The following ANKIB1 variants were observed in gnomAD, a reference collection of about 807,000 sequenced individuals.
ANKIB1 encodes ankyrin repeat and IBR domain-containing protein 1.
In ANKIB1, 43 loss-of-function variants were observed where a neutral mutation model predicts 122.1. The ratio of observed to expected loss-of-function variants is 0.35; its 90% CI spans 0.28 to 0.45. The LOEUF (loss-of-function observed/expected upper bound fraction) is 0.45. Among genes scored for constraint, ANKIB1 ranks in the 20% least tolerant of loss-of-function variants. The pLI, the probability that ANKIB1 is intolerant of heterozygous loss-of-function variation, is 1.00. For missense variants in ANKIB1, 992 were observed against 1,329.5 expected (o/e 0.75, Z 3.95); for synonymous variants, 390 against 442.0 (o/e 0.88, Z 1.48).
At chr7:92,253,760 T>A (rs1322592215) in intron 1 of ANKIB1, among the ~76,000 whole-genome samples, 1 of 152,114 alleles carries the variant, frequency 6.6e-6, no homozygotes, top group Non-Finnish European at 1.5e-5. Context: ...GTGTGTACAT[T>A]CAGACACACA....
intron 16 of ANKIB1, among the ~76,000 whole-genome samples, chr7:92,391,886 A>G (rs947211012): frequency 2.0e-5 from 3 of 152,142 alleles, no homozygotes; most frequent in Admixed American, 2.0e-4. Context: ...CCTATTTATA[A>G]TAACTATAAG....
At chr7:92,267,813 T>C (rs971234248) in intron 1 of ANKIB1, among the ~76,000 whole-genome samples, 2 of 152,172 alleles carry the variant, frequency 1.3e-5, no homozygotes, top group African/African-American at 4.8e-5. Context: ...TGTTTGCATA[T>C]TGATAGGTGA....
intron 4 of ANKIB1, among the ~76,000 whole-genome samples, chr7:92,322,899 A>G (rs1028893301): frequency 1.3e-5 from 2 of 152,176 alleles, no homozygotes; most frequent in Non-Finnish European, 2.9e-5. Context: ...CTGACTTACT[A>G]TGTGACCTTG....
At position 92,294,883 on chromosome 7, in the gene ANKIB1, C is replaced by T. The variant is rs922007596; in HGVS notation, c.-90-6C>T. On this transcript the variant is annotated splice_polypyrimidine_tract_variant and splice_region_variant and intron_variant, in intron 1 of 19. Transcript: ENST00000265742. ...AATCTAATTTGAATAACTTTTCCTT[C>T]ATTAGAATGTGAAAGATGTTGCAGA... The T allele has an allele frequency of 1.2e-6, 1 of 814,860 alleles. No homozygotes were observed. Among genetic ancestry groups the T allele is most frequent in the Non-Finnish European group, 1.8e-6 (1 of 552,852 alleles). The allele number at this position is 814,860 out of a possible 1,614,324, so 50.5% of individuals were successfully genotyped here.
intron 1 of ANKIB1, among the ~76,000 whole-genome samples, chr7:92,275,279 A>G (rs1315600175): frequency 6.6e-6 from 1 of 152,138 alleles, no homozygotes; most frequent in African/African-American, 2.4e-5. Flanking sequence ...TCATTTTTAC[A>G]TGTATACTGG....
At position 92,246,283 on chromosome 7, in the gene ANKIB1, C is replaced by T. The variant is rs1474661086; in HGVS notation, c.-327C>T. ...GGCGCCCACCCAGTCTGAGCCTCGC[C>T]GCGGGCGCCTTCGGCTCACGCAGCG... On this transcript the variant is annotated 5_prime_UTR_variant, in exon 1 of 20. Coordinates refer to ENST00000265742, the MANE Select transcript of ANKIB1 (RefSeq NM_019004.2). The T allele has an allele frequency of 1.5e-5, 6 of 405,512 alleles. No individual in the cohort carries two copies. Among genetic ancestry groups the T allele is most frequent in the African/African-American group, 8.9e-5 (4 of 45,094 alleles). The allele number at this position is 405,512 out of a possible 1,614,324, so 25.1% of individuals were successfully genotyped here. A position where few individuals can be genotyped will look rare whatever the true frequency, so the allele number is the denominator to read the frequency against.
Position 92,398,196 on chromosome 7 carries a change from C to T in ANKIB1, c.2533-16C>T, listed in dbSNP as rs1562803068. ...TCAGTCAAATTTTAAAGTGGTTTTG[C>T]TTTCTGTTGCTTCAGGCTCTGAGTT... On this transcript the variant is annotated splice_polypyrimidine_tract_variant and intron_variant, in intron 19 of 19. Coordinates refer to ENST00000265742, the MANE Select transcript of ANKIB1 (RefSeq NM_019004.2). 1 of 1,549,906 alleles carries T rather than the reference C, an allele frequency of 6.5e-7. No individual in the cohort carries two copies. Among genetic ancestry groups the T allele is most frequent in the South Asian group, 1.3e-5 (1 of 79,584 alleles).
intron 9 of ANKIB1, among the ~76,000 whole-genome samples, chr7:92,358,790 T>C (rs1170689890): frequency 6.6e-6 from 1 of 152,200 alleles, no homozygotes; most frequent in Non-Finnish European, 1.5e-5. Context: ...ACTGCAGATA[T>C]ATAAGGGCTT....
intron 5 of ANKIB1, among the ~76,000 whole-genome samples, chr7:92,332,832 C>T (rs1323703755): frequency 6.6e-6 from 1 of 152,182 alleles, no homozygotes; most frequent in African/African-American, 2.4e-5. Flanking sequence ...CTCTTCTGAG[C>T]TCCATATTTC....
rs11971017 is a variant in ANKIB1, at chr7:92,378,416, G to A, written c.1617+6809G>A. On this transcript the variant is annotated intron_variant, in intron 11 of 19. Transcript: ENST00000265742. ...ATTAGGAAAGTTGATGTTGTACCTC[G>A]TGTTATTGGTATATCCAAGGGGAAA... 7.3e-3 allele frequency among the ~76,000 whole-genome samples: 1,079 copies of A among 148,442 alleles called. 11 individuals are homozygous for A. The highest frequency in any genetic ancestry group is 0.026 in the African/African-American group (1,026 of 40,104).
chr7:92,360,448 G>A (rs1803915953), intron 9 of ANKIB1, among the ~76,000 whole-genome samples: 1 of 152,120 alleles, frequency 6.6e-6, no homozygotes, highest in Non-Finnish European at 1.5e-5. Context: ...ACGTGTGTGT[G>A]TGTTTGTGTG....
At chr7:92,373,418 A>G (rs956417223) in intron 11 of ANKIB1, among the ~76,000 whole-genome samples, 6 of 152,158 alleles carry the variant, frequency 3.9e-5, no homozygotes, top group Non-Finnish European at 7.4e-5. Context: ...GAATGTTTTC[A>G]TGAATTAATC....
At chr7:92,367,907 G>C (rs890467727) in intron 10 of ANKIB1, among the ~76,000 whole-genome samples, 3 of 152,260 alleles carry the variant, frequency 2.0e-5, no homozygotes, top group Admixed American at 2.0e-4. Context: ...TGTAATCCCA[G>C]CACTTTGGGA....
At chr7:92,311,695 A>G (rs915071459) in intron 3 of ANKIB1, among the ~76,000 whole-genome samples, 1 of 151,818 alleles carries the variant, frequency 6.6e-6, no homozygotes, top group African/African-American at 2.4e-5. Context: ...TCTCCCTGTA[A>G]TAATTATGTT....
chr7:92,286,774 CTTA>C (rs1244295575), intron 1 of ANKIB1, among the ~76,000 whole-genome samples: 3 of 152,152 alleles, frequency 2.0e-5, no homozygotes, highest in African/African-American at 7.2e-5. Context: ...CCACGCCTGG[CTTA>C]TTATCCTTAT....
chr7:92,347,022 T>A (rs956204275), intron 7 of ANKIB1, among the ~76,000 whole-genome samples: 3 of 152,218 alleles, frequency 2.0e-5, no homozygotes, highest in Non-Finnish European at 2.9e-5. Context: ...GTTGATGAAA[T>A]CATTTTTTAA....
At chr7:92,291,029 C>T (rs1266176009) in intron 1 of ANKIB1, among the ~76,000 whole-genome samples, 6 of 152,098 alleles carry the variant, frequency 3.9e-5, no homozygotes, top group Admixed American at 1.3e-4. Flanking sequence ...TGCAGTGGCT[C>T]GCACCTGTAA....
At chr7:92,385,720 G>A (rs965639364) in intron 11 of ANKIB1, among the ~76,000 whole-genome samples, 2 of 152,110 alleles carry the variant, frequency 1.3e-5, no homozygotes, top group African/African-American at 2.4e-5. Flanking sequence ...ATCACATACT[G>A]GGGCCTGTCG....
chr7:92,388,393 A>C (rs1804712882), intron 14 of ANKIB1, among the ~76,000 whole-genome samples: 1 of 152,264 alleles, frequency 6.6e-6, no homozygotes, highest in Non-Finnish European at 1.5e-5. Context: ...TACACGTGCT[A>C]CCCAATTGTC....
Sources: gnomAD v4.1 joint callset for allele counts (sites outside exome capture counted in the v4.1 genomes callset) on GRCh38, gnomAD v4.1.1 for gene constraint, MANE v1.5 for transcripts, NCBI Gene and HGNC (gene_info 2026-07-23, HGNC 2026-07-21) for gene names.